The following GATB variants were observed in gnomAD, a reference collection of about 807,000 sequenced individuals.
The protein encoded by GATB is glutamyl-tRNA amidotransferase subunit B.
A neutral mutation model predicts 62.3 loss-of-function variants in GATB; 39 were observed. That is an observed-to-expected ratio of 0.63 (90% CI 0.48 to 0.82). The LOEUF (loss-of-function observed/expected upper bound fraction) is 0.82, where lower values mean the gene tolerates loss of function less well. Among genes scored for constraint, GATB ranks in the 40% least tolerant of loss-of-function variants. The pLI is 0.00. For missense variants in GATB, 670 were observed against 684.0 expected (o/e 0.98, Z 0.23); for synonymous variants, 276 against 258.9 (o/e 1.07, Z -0.63).
intron 2 of GATB, chr4:151,723,995 G>A (rs1045575669): frequency 6.6e-6 from 1 of 152,148 alleles, no homozygotes; most frequent in Non-Finnish European, 1.5e-5. Flanking sequence ...TGTAAGACCT[G>A]AGTAGTGCTG....
rs73865003 is a variant in GATB, at chr4:151,703,815, G to A, written c.1007+36C>T. The A allele has an allele frequency of 2.4e-3, 3,363 of 1,413,860 alleles. 52 individuals are homozygous for A. In the African/African-American group the frequency reaches 0.037, roughly 16 times the overall value. 87.6% of individuals were successfully genotyped at this position (1,413,860 alleles called of 1,614,324 possible). On this transcript the variant is annotated intron_variant, in intron 8 of 12. Transcript: ENST00000263985. ...GAACTTGAAATACGCCCCAGCCCCC[G>A]ATATATAGCGGTATTTTGCCATAAG...
intron 2 of GATB, among the ~76,000 whole-genome samples, chr4:151,748,469 C>T (rs1739648840): frequency 6.6e-6 from 1 of 152,156 alleles, no homozygotes; most frequent in South Asian, 2.1e-4. Context: ...ATGTAGAAAG[C>T]TGAAACTGGA....
In GATB at chr4:151,678,883, G is replaced by GTTT. The variant is rs59396137; in HGVS notation, c.1410+927_1410+929dup. ...GTGTTCTTGATCTTTCTGGTTATGT[G>GTTT]TTTTTTTTGTTTTTGTTTTTGTTTT... On this transcript the variant is annotated intron_variant, in intron 11 of 12. Transcript: ENST00000263985. 1.4e-3 allele frequency among the ~76,000 whole-genome samples: 213 copies of GTTT among 151,958 alleles called. 6 individuals are homozygous for GTTT. In the East Asian group the frequency reaches 0.035, roughly 25 times the overall value.
rs1377134353 is a variant in GATB at position 151,726,862 on chromosome 4, G to A, written c.328-7324C>T. Among the ~76,000 whole-genome samples, 13 of 152,102 alleles carry A rather than the reference G, an allele frequency of 8.5e-5. 1 individual carries two copies. Among genetic ancestry groups the A allele is most frequent in the Admixed American group, 8.5e-4 (13 of 15,262 alleles). On this transcript the variant is annotated intron_variant, in intron 2 of 12. Coordinates refer to ENST00000263985, the MANE Select transcript of GATB (RefSeq NM_004564.3). ...CTACCTAGCAAGCTCAGGAGGCCACGGTCACCATGAGGCACTTGATGTCAG... is the reference window on the plus strand; with the variant it reads ...CTACCTAGCAAGCTCAGGAGGCCACAGTCACCATGAGGCACTTGATGTCAG...
At position 151,689,028 on chromosome 4, in the gene GATB, G is replaced by C. The variant is rs554908582; in HGVS notation, c.1198-265C>G. ...CCTGACTTTGCAGACCAGAGGGATG[G>C]TGAAATTCCACATCCCCCAAACCCA... On this transcript the variant is annotated intron_variant, in intron 9 of 12. Transcript: ENST00000263985. Among the ~76,000 whole-genome samples, 3 of 152,250 alleles carry C rather than the reference G, an allele frequency of 2.0e-5. No individual in the cohort carries two copies. The East Asian group carries it at 5.8e-4, about 29-fold the overall frequency.
chr4:151,672,695 C>A, intron 12 of GATB, 67 bp downstream of exon 12: 2 of 1,541,440 alleles, frequency 1.3e-6, no homozygotes, highest in Admixed American at 1.9e-5. Context: ...CCACAGGGAG[C>A]GATGGCGAGG....
intron 1 of GATB, 111 bp downstream of exon 1, chr4:151,760,696 G>T: frequency 1.0e-6 from 1 of 983,440 alleles, no homozygotes; most frequent in Non-Finnish European, 1.4e-6. Context: ...ATAACTCAAC[G>T]CCCTCCCGTC....
intron 2 of GATB, chr4:151,724,055 T>C (rs1384120214): frequency 6.6e-6 from 1 of 152,186 alleles, no homozygotes; most frequent in African/African-American, 2.4e-5. Flanking sequence ...TAAGGCAGCA[T>C]AAACAACTCA....
chr4:151,679,377 G>A (rs1213561993), intron 11 of GATB, among the ~76,000 whole-genome samples: 1 of 152,144 alleles, frequency 6.6e-6, no homozygotes, highest in African/African-American at 2.4e-5. Context: ...CACCCTCCTT[G>A]TTGAGGACAG....
At chr4:151,711,821 G>A (rs527604630) in intron 5 of GATB, among the ~76,000 whole-genome samples, 3 of 152,288 alleles carry the variant, frequency 2.0e-5, no homozygotes, top group Admixed American at 2.0e-4. Context: ...ATTGAGCGAC[G>A]AATGCCAGAA....
At chr4:151,732,330 T>A (rs1739285334) in intron 2 of GATB, among the ~76,000 whole-genome samples, 1 of 152,220 alleles carries the variant, frequency 6.6e-6, no homozygotes, top group African/African-American at 2.4e-5. Flanking sequence ...GCTGTGTCTG[T>A]GTAGAAAGAA....
At chr4:151,677,365 C>A (rs1738029406) in intron 11 of GATB, 2 of 152,206 alleles carry the variant, frequency 1.3e-5, no homozygotes, top group African/African-American at 2.4e-5. Context: ...GCTATAGAAT[C>A]AAAAAGATGG....
intron 2 of GATB, among the ~76,000 whole-genome samples, chr4:151,756,821 T>G (rs949652416): frequency 3.9e-5 from 6 of 152,222 alleles, no homozygotes; most frequent in African/African-American, 1.4e-4. Context: ...TTGACCAAAT[T>G]TAGGTACAGC....
chr4:151,736,524 T>C (rs1188348686), intron 2 of GATB, among the ~76,000 whole-genome samples: 1 of 152,218 alleles, frequency 6.6e-6, no homozygotes, highest in Non-Finnish European at 1.5e-5. Context: ...TAATTGTTAC[T>C]CATACTGTTG....
At chr4:151,756,716 C>T (rs986689893) in intron 2 of GATB, among the ~76,000 whole-genome samples, 43 of 152,318 alleles carry the variant, frequency 2.8e-4, no homozygotes, top group Admixed American at 1.6e-3. Context: ...TATCAGTGAA[C>T]AAGCACCTTC....
At chr4:151,674,604 T>C (rs182883834) in intron 11 of GATB, 14 of 152,392 alleles carry the variant, frequency 9.2e-5, no homozygotes, top group Admixed American at 3.9e-4. Context: ...TTTTGTAACA[T>C]ACTTGGGATC....
At chr4:151,751,509 A>G (rs965283406) in intron 2 of GATB, among the ~76,000 whole-genome samples, 14 of 152,308 alleles carry the variant, frequency 9.2e-5, no homozygotes, top group African/African-American at 3.1e-4. Flanking sequence ...GAGGCCTCCA[A>G]TCAGTGGCCA....
chr4:151,733,754 A>T (rs1277653385), intron 2 of GATB, among the ~76,000 whole-genome samples: 2 of 152,240 alleles, frequency 1.3e-5, no homozygotes, highest in Non-Finnish European at 2.9e-5. Context: ...ATCTACCATG[A>T]TCAAGTGGGT....
At position 151,671,372 on chromosome 4, in the gene GATB, A is replaced by G. The variant is rs1553965325; in HGVS notation, c.1546-70T>C. The G allele has an allele frequency of 5.5e-5, 81 of 1,463,500 alleles. 3 individuals are homozygous for G. The South Asian group carries it at 8.9e-4, about 16-fold the overall frequency. The allele number at this position is 1,463,500 out of a possible 1,614,324, so 90.7% of individuals were successfully genotyped here. A position where few individuals can be genotyped will look rare whatever the true frequency, so the allele number is the denominator to read the frequency against. ...ATTCATGCCCCCAAATCCCAAACTA[A>G]GGCTTAAGTTTACTGAAAATTAAAT... On this transcript the variant is annotated intron_variant, in intron 12 of 12. Transcript: ENST00000263985.
Sources: allele counts gnomAD v4.1 joint callset (sites outside exome capture counted in the v4.1 genomes callset), GRCh38; gene constraint gnomAD v4.1.1; transcripts MANE v1.5; gene names NCBI Gene and HGNC (gene_info 2026-07-23, HGNC 2026-07-21).